The following TAFA2 variants were observed in gnomAD, a reference collection of about 807,000 sequenced individuals.
TAFA2 encodes chemokine-like protein TAFA-2.
In TAFA2, 7 loss-of-function variants were observed where a neutral mutation model predicts 18.8. The observed-to-expected ratio is 0.37, with a 90% confidence interval of 0.21 to 0.70. TAFA2 has a LOEUF of 0.70. Among genes scored for constraint, TAFA2 ranks in the 30% least tolerant of loss-of-function variants. The pLI is 0.53. For missense variants in TAFA2, 122 were observed against 158.1 expected (o/e 0.77, Z 1.23); for synonymous variants, 60 against 54.2 (o/e 1.11, Z -0.47).
chr12:61,753,583 CA>C, intron 4 of TAFA2, 38 bp downstream of exon 4: 1 of 1,590,652 alleles, frequency 6.3e-7, no homozygotes, highest in Middle Eastern at 1.7e-4. Context: ...TCTATTAATT[CA>C]GAGACATTCT....
At chr12:61,711,208 G>A (rs1046950696) in intron 4 of TAFA2, among the ~76,000 whole-genome samples, 16 of 151,504 alleles carry the variant, frequency 1.1e-4, no homozygotes, top group African/African-American at 3.6e-4. Context: ...ACATATCTAC[G>A]TATGCATAGA....
chr12:62,168,694 G>A (rs2062456119), intron 1 of TAFA2, among the ~76,000 whole-genome samples: 3 of 152,112 alleles, frequency 2.0e-5, no homozygotes, highest in South Asian at 2.1e-4. Context: ...AAAATTAGCT[G>A]AGCATGGAGG....
At chr12:62,064,107 A>G (rs1882425338) in intron 1 of TAFA2, among the ~76,000 whole-genome samples, 1 of 152,056 alleles carries the variant, frequency 6.6e-6, no homozygotes, top group African/African-American at 2.4e-5. Context: ...CTCAGGGGGA[A>G]ATTTCTAAGC....
chr12:62,118,429 T>C (rs1677399600), intron 1 of TAFA2, among the ~76,000 whole-genome samples: 1 of 152,136 alleles, frequency 6.6e-6, no homozygotes, highest in African/African-American at 2.4e-5. Context: ...GTGGCAATGA[T>C]GTTAACATCT....
chr12:61,821,285 G>C (rs1007923319), intron 2 of TAFA2, among the ~76,000 whole-genome samples: 3 of 151,888 alleles, frequency 2.0e-5, no homozygotes, highest in African/African-American at 7.3e-5. Flanking sequence ...TGTAATATAG[G>C]TTAATGATTT....
intron 1 of TAFA2, among the ~76,000 whole-genome samples, chr12:62,216,840 A>G (rs1450526618): frequency 6.6e-6 from 1 of 152,208 alleles, no homozygotes; most frequent in East Asian, 1.9e-4. Context: ...GCATTGGTTC[A>G]CTATTTCAGT....
At chr12:61,741,779 T>C (rs1868463078) in intron 4 of TAFA2, among the ~76,000 whole-genome samples, 1 of 152,114 alleles carries the variant, frequency 6.6e-6, no homozygotes, top group Admixed American at 6.5e-5. Context: ...ATCCCCAAAA[T>C]CTAGCACAAT....
intron 2 of TAFA2, among the ~76,000 whole-genome samples, chr12:61,833,900 C>T (rs1037467308): frequency 6.6e-6 from 1 of 151,912 alleles, no homozygotes; most frequent in African/African-American, 2.4e-5. Flanking sequence ...AGTTTTAAAA[C>T]ACACATAATC....
intron 1 of TAFA2, among the ~76,000 whole-genome samples, chr12:62,161,270 A>G (rs778181042): frequency 5.3e-5 from 8 of 152,226 alleles, no homozygotes; most frequent in Non-Finnish European, 1.2e-4. Context: ...TTATCACATC[A>G]CTATTCACAT....
chr12:62,177,282 C>T (rs1213413376), intron 1 of TAFA2, among the ~76,000 whole-genome samples: 1 of 152,216 alleles, frequency 6.6e-6, no homozygotes, highest in African/African-American at 2.4e-5. Context: ...ATCCATGGCT[C>T]TCTCTTCCTG....
chr12:62,114,104 C>A (rs906909098), intron 1 of TAFA2, among the ~76,000 whole-genome samples: 1 of 152,164 alleles, frequency 6.6e-6, no homozygotes, highest in Non-Finnish European at 1.5e-5. Flanking sequence ...TGCTTGAAAC[C>A]CAGGGCCCTG....
At chr12:62,179,647 C>A (rs1237196133) in intron 1 of TAFA2, among the ~76,000 whole-genome samples, 2 of 152,132 alleles carry the variant, frequency 1.3e-5, no homozygotes, top group East Asian at 3.9e-4. Context: ...TACTTCAGTG[C>A]ATTGCCATTT....
chr12:61,725,340 T>C (rs1169618065), intron 4 of TAFA2, among the ~76,000 whole-genome samples: 1 of 151,996 alleles, frequency 6.6e-6, no homozygotes, highest in African/African-American at 2.4e-5. Flanking sequence ...TTGGGTTCTT[T>C]GTCGTGAATT....
At chr12:61,779,682 A>C (rs559642444) in intron 2 of TAFA2, among the ~76,000 whole-genome samples, 1 of 151,922 alleles carries the variant, frequency 6.6e-6, no homozygotes, top group South Asian at 2.1e-4. Context: ...ATTGGTAGGG[A>C]GGAGATTTTC....
intron 1 of TAFA2, among the ~76,000 whole-genome samples, chr12:62,060,412 G>T (rs1413964982): frequency 6.6e-6 from 1 of 152,202 alleles, no homozygotes; most frequent in African/African-American, 2.4e-5. Flanking sequence ...TAATGATGCT[G>T]TTTGTAGTGA....
chr12:61,852,781 C>T (rs143883356), intron 2 of TAFA2, among the ~76,000 whole-genome samples: 8 of 151,676 alleles, frequency 5.3e-5, no homozygotes, highest in African/African-American at 1.9e-4. Context: ...TAATAGAAAA[C>T]GATGAGAAAA....
intron 1 of TAFA2, among the ~76,000 whole-genome samples, chr12:61,915,420 T>A (rs1876782066): frequency 6.6e-6 from 1 of 152,226 alleles, no homozygotes; most frequent in Non-Finnish European, 1.5e-5. Flanking sequence ...CAGTAGATCC[T>A]GGTTCTGAGC....
intron 1 of TAFA2, among the ~76,000 whole-genome samples, chr12:61,990,220 A>C (rs890841405): frequency 1.3e-5 from 2 of 152,132 alleles, no homozygotes; most frequent in African/African-American, 2.4e-5. Context: ...CAGGAGTCTC[A>C]GCTTTCTATT....
At position 61,861,062 on chromosome 12, in the gene TAFA2, C is replaced by T. The variant is rs536851681; in HGVS notation, c.106+6258G>A. Among the ~76,000 whole-genome samples the T allele has an allele frequency of 6.6e-5, 10 of 152,112 alleles. No individual in the cohort carries two copies. In the South Asian group the frequency reaches 1.9e-3, roughly 28 times the overall value. ...GCCTCCTGGGTTCAAGCCATTCTTC[C>T]ACCTCAACCTCTGGAGAAGCTGGGA... On this transcript the variant is annotated intron_variant, in intron 2 of 4. Coordinates refer to ENST00000416284, the MANE Select transcript of TAFA2 (RefSeq NM_178539.5).
Sources: allele counts gnomAD v4.1 joint callset (sites outside exome capture counted in the v4.1 genomes callset), GRCh38; gene constraint gnomAD v4.1.1; transcripts MANE v1.5; gene names NCBI Gene and HGNC (gene_info 2026-07-23, HGNC 2026-07-21).